The following CADPS2 variants were observed in gnomAD, a reference collection of about 807,000 sequenced individuals.
CADPS2 encodes calcium-dependent secretion activator 2.
A neutral mutation model predicts 172.5 loss-of-function variants in CADPS2; 93 were observed. The ratio of observed to expected loss-of-function variants is 0.54; its 90% CI spans 0.46 to 0.64. The LOEUF is 0.64. Among genes scored for constraint, CADPS2 ranks in the 30% least tolerant of loss-of-function variants. The pLI is 0.00. For synonymous variants in CADPS2, 546 were observed against 555.2 expected (o/e 0.98, Z 0.23); for missense variants, 1,420 against 1,565.9 (o/e 0.91, Z 1.57).
At chr7:122,629,227 A>G in intron 4 of CADPS2, 21 bp downstream of exon 4, 1 of 1,582,504 alleles carries the variant, frequency 6.3e-7, no homozygotes, top group Non-Finnish European at 8.6e-7. Flanking sequence ...GTCATACAGT[A>G]TGTCCAAGTT....
chr7:122,399,779 C>T (rs1377706470), intron 20 of CADPS2, among the ~76,000 whole-genome samples: 15 of 145,684 alleles, frequency 1.0e-4, no homozygotes, highest in East Asian at 2.1e-4. Flanking sequence ...CTCCGCCTCC[C>T]GGGTTCACGC....
At chr7:122,334,484 G>A (rs528935438) in intron 28 of CADPS2, among the ~76,000 whole-genome samples, 17 of 152,300 alleles carry the variant, frequency 1.1e-4, no homozygotes, top group Middle Eastern at 3.4e-3. Flanking sequence ...TTGTTGCTGT[G>A]GAAATAGTGA....
intron 27 of CADPS2, among the ~76,000 whole-genome samples, chr7:122,352,064 C>T (rs1459993785): frequency 3.9e-5 from 6 of 152,156 alleles, no homozygotes; most frequent in Non-Finnish European, 2.9e-5. Flanking sequence ...ATGCCTTCCC[C>T]ATTTGGGACT....
At chr7:122,453,993 T>C (rs1641334172) in intron 14 of CADPS2, among the ~76,000 whole-genome samples, 1 of 152,186 alleles carries the variant, frequency 6.6e-6, no homozygotes, top group Non-Finnish European at 1.5e-5. Context: ...ATCCTTATTT[T>C]AGAATATATA....
rs189370872 is a variant in CADPS2 at position 122,751,367 on chromosome 7, G to A, written c.340-14299C>T. Among the ~76,000 whole-genome samples the A allele has an allele frequency of 6.6e-5, 10 of 152,182 alleles. No individual in the cohort carries two copies. In the East Asian group the frequency reaches 1.9e-3, roughly 29 times the overall value. The stretch of plus-strand genomic sequence containing the variant: ...AAATCATGTCGAGGGAATGGGTAAT[G>A]AAATAAGGGCCCCCTAAAGTTTATG... On this transcript the variant is annotated intron_variant, in intron 1 of 29. Transcript: ENST00000449022.
Position 122,451,381 on chromosome 7 carries a change from G to A in CADPS2, c.2281C>T (p.His761Tyr), listed in dbSNP as rs368636743. The change falls in exon 15 of 30, where the codon CAT becomes TAT. Residue 761 changes from histidine (H) to tyrosine (Y), a missense_variant. His to Tyr is a moderately conservative substitution (Grantham distance 83, BLOSUM62 2). Transcript: ENST00000449022. ...TAATAAAAAAATATATACCTGAAAT[G>A]GCTTATCTGATTTTCTAAAAGGGAA... ...LSSLLENQIS[H>Y]FRYCFPFGRP... is the part of the protein sequence containing the mutation. 15 of 1,474,272 alleles carry A rather than the reference G, an allele frequency of 1.0e-5. No homozygotes were observed. The South Asian group carries it at 1.9e-4, about 19-fold the overall frequency. 91.3% of individuals were successfully genotyped at this position (1,474,272 alleles called of 1,614,324 possible). A position where few individuals can be genotyped will look rare whatever the true frequency, so the allele number is the denominator to read the frequency against.
chr7:122,876,514 G>A (rs1019416273), intron 1 of CADPS2, among the ~76,000 whole-genome samples: 5 of 151,830 alleles, frequency 3.3e-5, no homozygotes, highest in African/African-American at 9.7e-5. Flanking sequence ...GGCATGAGTC[G>A]CCATGCTTGA....
chr7:122,617,974 C>T (rs148735466), intron 5 of CADPS2, among the ~76,000 whole-genome samples: 478 of 150,434 alleles, frequency 3.2e-3, no homozygotes, highest in Non-Finnish European at 5.7e-3. Flanking sequence ...ACCTGGGAGG[C>T]GGAGGTTGGC....
chr7:122,591,621 G>A (rs547157950), intron 6 of CADPS2, among the ~76,000 whole-genome samples: 2 of 152,074 alleles, frequency 1.3e-5, no homozygotes, highest in Non-Finnish European at 2.9e-5. Flanking sequence ...ACAGCATGGT[G>A]CTGGTACCAA....
intron 2 of CADPS2, among the ~76,000 whole-genome samples, chr7:122,725,014 A>G (rs1022053070): frequency 6.6e-6 from 1 of 152,076 alleles, no homozygotes; most frequent in African/African-American, 2.4e-5. Context: ...CAACTCATTA[A>G]CAAAGTTTAA....
chr7:122,698,394 G>T lies in CADPS2; in HGVS notation c.454-34825C>A, dbSNP rs145587897. On this transcript the variant is annotated intron_variant, in intron 2 of 29. Coordinates refer to ENST00000449022, the MANE Select transcript of CADPS2 (RefSeq NM_017954.11). ...TGTGCTTTCTCCCCACCTCAACCAC[G>T]GCTGTAATGAGAACTCCCTTCTTAA... 3.1e-6 allele frequency: 5 copies of T among 1,613,722 alleles called. No individual in the cohort carries two copies. The African/African-American group carries it at 4.0e-5, about 13-fold the overall frequency.
At chr7:122,388,264 G>A (rs111231616) in intron 23 of CADPS2, among the ~76,000 whole-genome samples, 8 of 152,006 alleles carry the variant, frequency 5.3e-5, no homozygotes, top group South Asian at 2.1e-4. Context: ...TTTTTCATAC[G>A]TCTCAGGAGA....
chr7:122,566,143 T>C (rs964692743), intron 7 of CADPS2, among the ~76,000 whole-genome samples: 1 of 152,152 alleles, frequency 6.6e-6, no homozygotes, highest in East Asian at 1.9e-4. Flanking sequence ...CTACTGCATA[T>C]ATGAAAGAAA....
At chr7:122,788,192 C>A (rs1794491426) in intron 1 of CADPS2, among the ~76,000 whole-genome samples, 1 of 152,156 alleles carries the variant, frequency 6.6e-6, no homozygotes, top group Non-Finnish European at 1.5e-5. Context: ...GTCTTAACAA[C>A]CCCTTTCTTT....
intron 25 of CADPS2, among the ~76,000 whole-genome samples, chr7:122,368,530 T>C (rs2041286895): frequency 1.3e-5 from 2 of 152,196 alleles, no homozygotes; most frequent in Non-Finnish European, 2.9e-5. Context: ...TGACTAGTCC[T>C]GCCTTGAAAC....
At chr7:122,617,195 T>C (rs186455964) in intron 5 of CADPS2, among the ~76,000 whole-genome samples, 254 of 152,304 alleles carry the variant, frequency 1.7e-3, no homozygotes, top group Non-Finnish European at 3.1e-3. Context: ...GTACTCTGCT[T>C]TTCAAAACAA....
At chr7:122,727,172 C>T (rs766639131) in intron 2 of CADPS2, among the ~76,000 whole-genome samples, 4 of 151,854 alleles carry the variant, frequency 2.6e-5, no homozygotes, top group African/African-American at 7.3e-5. Context: ...TAGGTATGAG[C>T]GTAAATTCTT....
chr7:122,498,978 A>G (rs772590139), intron 9 of CADPS2, among the ~76,000 whole-genome samples: 37 of 152,296 alleles, frequency 2.4e-4, no homozygotes, highest in Non-Finnish European at 4.1e-4. Flanking sequence ...ATAAAAAGCA[A>G]TTTTTAAAAA....
At chr7:122,798,362 C>T (rs139952661) in intron 1 of CADPS2, among the ~76,000 whole-genome samples, 1 of 152,168 alleles carries the variant, frequency 6.6e-6, no homozygotes, top group Non-Finnish European at 1.5e-5. Flanking sequence ...ATAAACTTCA[C>T]CACAGTCTAA....
Sources: gnomAD v4.1 joint callset for allele counts (sites outside exome capture counted in the v4.1 genomes callset) on GRCh38, gnomAD v4.1.1 for gene constraint, MANE v1.5 for transcripts, NCBI Gene and HGNC (gene_info 2026-07-23, HGNC 2026-07-21) for gene names.